The following LDAH variants were observed in gnomAD, a reference collection of about 807,000 sequenced individuals.
The protein encoded by LDAH is lipid droplet-associated hydrolase.
LDAH carries 26 observed loss-of-function variants against 29.6 expected under a neutral mutation model. The observed-to-expected ratio is 0.88, with a 90% CI of 0.64 to 1.22. The LOEUF is 1.22. Ranked by LOEUF, LDAH falls within the 50% of genes most tolerant of loss-of-function variation. LDAH has a pLI of 0.00. For synonymous variants in LDAH, 117 were observed against 133.0 expected (o/e 0.88, Z 0.83); for missense variants, 344 against 387.3 (o/e 0.89, Z 0.94).
chr2:20,740,061 T>C lies in LDAH; in HGVS notation c.613A>G (p.Ile205Val), dbSNP rs952433245. Residue 205 changes from isoleucine (I) to valine (V), a missense_variant, in exon 5 of 7, where the codon ATC (isoleucine) becomes GTC (valine). By Grantham distance (29) the Ile-to-Val change is conservative. Transcript: ENST00000237822. ...YLLLKPCPET[I>V]KSLLIRRGLQ... is the part of the protein sequence containing the mutation. ...CCCCTTCTGATTAGCAAGGACTTGA[T>C]TGTCTCAGGACACGGTTTCAATAAT... The C allele has an allele frequency of 1.2e-6, 2 of 1,614,032 alleles. No homozygotes were observed. The highest frequency in any genetic ancestry group is 1.3e-5 in the African/African-American group (1 of 74,948).
chr2:20,702,109 C>A (rs1056282632), intron 5 of LDAH, among the ~76,000 whole-genome samples: 1 of 150,882 alleles, frequency 6.6e-6, no homozygotes, highest in African/African-American at 2.4e-5. Context: ...TTTAAAAATA[C>A]GTTTAAAGTT....
chr2:20,800,014 C>T (rs1321652303), intron 2 of LDAH, among the ~76,000 whole-genome samples: 1 of 152,174 alleles, frequency 6.6e-6, no homozygotes, highest in Admixed American at 6.5e-5. Flanking sequence ...AGGAGAAAGG[C>T]AGATGATACA....
At chr2:20,795,040 G>T (rs1474685837) in intron 2 of LDAH, among the ~76,000 whole-genome samples, 1 of 152,204 alleles carries the variant, frequency 6.6e-6, no homozygotes, top group Admixed American at 6.5e-5. Context: ...ACACGGAGGG[G>T]TATGGGAGAG....
chr2:20,747,849 AG>A (rs1667684265), intron 4 of LDAH, among the ~76,000 whole-genome samples: 1 of 152,190 alleles, frequency 6.6e-6, no homozygotes, highest in Admixed American at 6.5e-5. Context: ...AACCTTATGA[AG>A]TTCCCTCATT....
In LDAH at chr2:20,698,415, C is replaced by T. The variant is rs560088619; in HGVS notation, c.786+3155G>A. 6.6e-6 allele frequency among the ~76,000 whole-genome samples: 1 copy of T among 152,258 alleles called. No homozygotes were observed. Among genetic ancestry groups the T allele is most frequent in the East Asian group, 1.9e-4 (1 of 5,180 alleles). On this transcript the variant is annotated intron_variant, in intron 6 of 6. Coordinates refer to ENST00000237822, the MANE Select transcript of LDAH (RefSeq NM_021925.4). This position sits in a 1 kb window ranked among gnomAD's most constrained non-coding sequence, Gnocchi z 4.4. ...ATGACAAAATAACCTATAGGCCGGG[C>T]GCAGTGGCTCATGCCTGTAATCCCA...
intron 5 of LDAH, among the ~76,000 whole-genome samples, chr2:20,716,086 G>C (rs1188603972): frequency 6.6e-6 from 1 of 152,174 alleles, no homozygotes; most frequent in Non-Finnish European, 1.5e-5. Context: ...AACAGATGCT[G>C]GAGAGGATAT....
At chr2:20,689,972 C>T (rs1662874036) in intron 6 of LDAH, among the ~76,000 whole-genome samples, 1 of 152,204 alleles carries the variant, frequency 6.6e-6, no homozygotes, top group Non-Finnish European at 1.5e-5. Flanking sequence ...ACAGTTTCCT[C>T]AACAAGAAAA....
intron 1 of LDAH, among the ~76,000 whole-genome samples, chr2:20,803,307 C>T (rs1266548185): frequency 6.6e-6 from 1 of 152,178 alleles, no homozygotes; most frequent in Non-Finnish European, 1.5e-5. Flanking sequence ...CTCCAGCTCT[C>T]TACTCAGGCA....
intron 6 of LDAH, among the ~76,000 whole-genome samples, chr2:20,696,202 C>T (rs1036835474): frequency 6.6e-6 from 1 of 152,190 alleles, no homozygotes; most frequent in Non-Finnish European, 1.5e-5. Flanking sequence ...TCCTATGCTG[C>T]AGCAGGCAGG....
intron 4 of LDAH, among the ~76,000 whole-genome samples, chr2:20,751,809 T>C (rs568844585): frequency 3.2e-4 from 49 of 152,296 alleles, no homozygotes; most frequent in Non-Finnish European, 5.9e-4. Context: ...TGCTTAGAGC[T>C]AAGAGAAAAT....
intron 6 of LDAH, among the ~76,000 whole-genome samples, chr2:20,697,694 C>T (rs1663594203): frequency 6.6e-6 from 1 of 152,176 alleles, no homozygotes; most frequent in Admixed American, 6.5e-5. Context: ...TGCTACCTAA[C>T]CTTTTCTAGT....
intron 5 of LDAH, among the ~76,000 whole-genome samples, chr2:20,708,792 CA>C (rs1167001852): frequency 6.6e-6 from 1 of 152,124 alleles, no homozygotes; most frequent in Non-Finnish European, 1.5e-5. Context: ...ACTATGACAT[CA>C]AAAGCACAAG....
chr2:20,718,665 A>T (rs1665421755), intron 5 of LDAH, among the ~76,000 whole-genome samples: 1 of 152,172 alleles, frequency 6.6e-6, no homozygotes, highest in Non-Finnish European at 1.5e-5. Context: ...GACCAAATGG[A>T]CCTAACAGAC....
chr2:20,811,931 G>A (rs895163832), intron 1 of LDAH, among the ~76,000 whole-genome samples: 20 of 152,130 alleles, frequency 1.3e-4, no homozygotes. Flanking sequence ...ATGTAGGCAA[G>A]AGTGGGAATG....
At chr2:20,766,109 A>C (rs1669016723) in intron 4 of LDAH, among the ~76,000 whole-genome samples, 1 of 151,996 alleles carries the variant, frequency 6.6e-6, no homozygotes, top group Non-Finnish European at 1.5e-5. Flanking sequence ...AGTAAGATAT[A>C]CATTCGACAT....
At chr2:20,820,547 A>G (rs1433406880) in intron 1 of LDAH, among the ~76,000 whole-genome samples, 8 of 152,184 alleles carry the variant, frequency 5.3e-5, no homozygotes, top group African/African-American at 1.7e-4. Flanking sequence ...GGTGCTGGGA[A>G]AACTGGCTAG....
intron 1 of LDAH, among the ~76,000 whole-genome samples, chr2:20,807,632 C>T (rs1482540827): frequency 6.6e-6 from 1 of 151,404 alleles, no homozygotes; most frequent in Non-Finnish European, 1.5e-5. Context: ...TTCATAAAAT[C>T]CAATAGTCAT....
chr2:20,816,198 C>T (rs1672839419), intron 1 of LDAH, among the ~76,000 whole-genome samples: 1 of 151,820 alleles, frequency 6.6e-6, no homozygotes, highest in Non-Finnish European at 1.5e-5. Context: ...ACAGAAAGAC[C>T]AGAAAAGAGG....
chr2:20,709,626 AC>A (rs1320972226), intron 5 of LDAH, among the ~76,000 whole-genome samples: 3 of 152,208 alleles, frequency 2.0e-5, no homozygotes, highest in Non-Finnish European at 4.4e-5. Context: ...ATACAGAGTT[AC>A]CATATTACCC....
Sources: gnomAD v4.1 joint callset for allele counts (sites outside exome capture counted in the v4.1 genomes callset) on GRCh38, gnomAD v4.1.1 for gene constraint, Gnocchi (gnomAD v3.1) non-coding constraint, MANE v1.5 for transcripts, NCBI Gene and HGNC (gene_info 2026-07-23, HGNC 2026-07-21) for gene names.